The following CTNNA3 variants were observed in gnomAD, a reference collection of about 807,000 sequenced individuals.
CTNNA3 encodes the protein catenin alpha 3.
In CTNNA3, 76 loss-of-function variants were observed where a neutral mutation model predicts 95.7. The observed-to-expected ratio is 0.79, with a 90% CI of 0.66 to 0.96. The LOEUF is 0.96. Among genes scored for constraint, CTNNA3 ranks in the 40% least tolerant of loss-of-function variants. CTNNA3 has a pLI of 0.00. For synonymous variants in CTNNA3, 431 were observed against 374.4 expected, an observed-to-expected ratio of 1.15 and a Z score of -1.74; for missense variants, 1,191 against 1,089.8, an observed-to-expected ratio of 1.09 and a Z score of -1.31.
In CTNNA3 at chr10:67,135,212, T is replaced by C. The variant is rs529378631; in HGVS notation, c.1047+45105A>G. Among the ~76,000 whole-genome samples, 44 of 152,244 alleles carry C rather than the reference T, an allele frequency of 2.9e-4. 1 individual carries two copies. The highest frequency in any genetic ancestry group is 9.4e-4 in the African/African-American group (39 of 41,560). ...CTCCTGGAGCTTGTATTTTGTTAGG[T>C]TGACACAGATGGCAGGGAATAAAAG... On this transcript the variant is annotated intron_variant, in intron 7 of 17. Coordinates refer to ENST00000433211, the MANE Select transcript of CTNNA3 (RefSeq NM_013266.4).
At chr10:67,715,044 C>T (rs1379380953) in intron 1 of CTNNA3, among the ~76,000 whole-genome samples, 1 of 152,178 alleles carries the variant, frequency 6.6e-6, no homozygotes, top group Non-Finnish European at 1.5e-5. Flanking sequence ...CTAATACAGA[C>T]CTCTTCCTGA....
At chr10:66,741,339 T>C (rs1015984191) in intron 9 of CTNNA3, among the ~76,000 whole-genome samples, 2 of 151,986 alleles carry the variant, frequency 1.3e-5, no homozygotes, top group Admixed American at 6.6e-5. Flanking sequence ...GGCAGGTAAG[T>C]CAAAATACAA....
intron 11 of CTNNA3, among the ~76,000 whole-genome samples, chr10:66,480,217 T>C (rs902891779): frequency 1.3e-5 from 2 of 152,180 alleles, no homozygotes; most frequent in Non-Finnish European, 2.9e-5. Context: ...CATTTAGCTA[T>C]ATATCTCACA....
In CTNNA3 at chr10:66,813,732, G is replaced by T. The variant is rs956567622; in HGVS notation, c.1048-38208C>A. ...CATAGTCTGATGAGAGAGAGTAAAA[G>T]AATTCTAAAATAAAAATCACCTTTT... On this transcript the variant is annotated intron_variant, in intron 7 of 17. Coordinates refer to ENST00000433211, the MANE Select transcript of CTNNA3 (RefSeq NM_013266.4). Among the ~76,000 whole-genome samples the T allele has an allele frequency of 5.9e-5, 9 of 152,158 alleles. No individual in the cohort carries two copies. The East Asian group carries it at 1.4e-3, about 23-fold the overall frequency.
chr10:66,538,741 G>A (rs1841743670), intron 10 of CTNNA3, among the ~76,000 whole-genome samples: 2 of 152,112 alleles, frequency 1.3e-5, no homozygotes, highest in Non-Finnish European at 2.9e-5. Context: ...AACTGCTGTG[G>A]ATTTAAAGAA....
intron 5 of CTNNA3, among the ~76,000 whole-genome samples, chr10:67,509,556 G>C (rs755738726): frequency 1.3e-5 from 2 of 152,182 alleles, no homozygotes; most frequent in Non-Finnish European, 2.9e-5. Flanking sequence ...ATTCCATGGT[G>C]TATATATGCC....
At chr10:66,257,603 A>G (rs896941490) in intron 13 of CTNNA3, among the ~76,000 whole-genome samples, 1 of 152,232 alleles carries the variant, frequency 6.6e-6, no homozygotes, top group Non-Finnish European at 1.5e-5. Context: ...TTCCTGGTCA[A>G]TCAATATCAG....
intron 13 of CTNNA3, among the ~76,000 whole-genome samples, chr10:66,256,292 T>C (rs2090769489): frequency 6.6e-6 from 1 of 152,194 alleles, no homozygotes; most frequent in South Asian, 2.1e-4. Flanking sequence ...ATTCTGGCTG[T>C]ACACTTTCTA....
rs181406373 is a variant in CTNNA3, at chr10:66,136,243, T to C, written c.1885-32994A>G. Among the ~76,000 whole-genome samples the C allele has an allele frequency of 2.0e-3, 299 of 152,374 alleles. 1 individual carries two copies. The highest frequency in any genetic ancestry group is 3.5e-3 in the Admixed American group (54 of 15,302). On this transcript the variant is annotated intron_variant, in intron 13 of 17. Transcript: ENST00000433211. ...AAATAACATATAATACTCTTTATTG[T>C]AAACTGCATATAATAAATCAATTCT...
chr10:66,910,880 G>C (rs1362980871), intron 7 of CTNNA3, among the ~76,000 whole-genome samples: 2 of 152,216 alleles, frequency 1.3e-5, no homozygotes, highest in African/African-American at 4.8e-5. Context: ...GTCACAGTGA[G>C]CTATTCATGG....
intron 11 of CTNNA3, among the ~76,000 whole-genome samples, chr10:66,432,781 T>C (rs973021228): frequency 2.6e-5 from 4 of 152,156 alleles, no homozygotes; most frequent in Admixed American, 6.6e-5. Flanking sequence ...ATCAGGTATT[T>C]CTCCTAATGC....
At chr10:65,934,323 C>T (rs1426804677) in intron 17 of CTNNA3, among the ~76,000 whole-genome samples, 1 of 152,124 alleles carries the variant, frequency 6.6e-6, no homozygotes, top group Admixed American at 6.6e-5. Context: ...GCAGCTGTTT[C>T]TCTCCAGCAC....
At chr10:66,937,827 C>T (rs1324840045) in intron 7 of CTNNA3, among the ~76,000 whole-genome samples, 1 of 152,124 alleles carries the variant, frequency 6.6e-6, no homozygotes, top group African/African-American at 2.4e-5. Flanking sequence ...CTGAGCTTTT[C>T]CAGAATAGAT....
Position 66,004,691 on chromosome 10 carries a change from G to A in CTNNA3, c.2160-15894C>T, listed in dbSNP as rs2078843317. ...AGAGCACAGCTGTCTAAGAAACACT[G>A]CCACTCTTCTCTGCTCTTTCTTCCA... On this transcript the variant is annotated intron_variant, in intron 15 of 17. Transcript: ENST00000433211. Among the ~76,000 whole-genome samples the A allele has an allele frequency of 7.9e-5, 12 of 152,142 alleles. 1 individual carries two copies. In the South Asian group the frequency reaches 1.9e-3, roughly 24 times the overall value.
chr10:66,258,898 G>A (rs868197914), intron 13 of CTNNA3, among the ~76,000 whole-genome samples: 2 of 152,048 alleles, frequency 1.3e-5, no homozygotes, highest in African/African-American at 4.8e-5. Flanking sequence ...ACAGGAATGC[G>A]GAAAAAGAGA....
At chr10:67,221,817 G>A (rs1048822768) in intron 5 of CTNNA3, among the ~76,000 whole-genome samples, 2 of 151,802 alleles carry the variant, frequency 1.3e-5, no homozygotes, top group African/African-American at 2.4e-5. Flanking sequence ...CTTGTGATCC[G>A]CCCGCCTCGG....
At chr10:65,987,260 C>T (rs1033703319) in intron 16 of CTNNA3, among the ~76,000 whole-genome samples, 1 of 150,744 alleles carries the variant, frequency 6.6e-6, no homozygotes, top group Non-Finnish European at 1.5e-5. Flanking sequence ...ACAAGACAAC[C>T]TACAGAATGA....
intron 13 of CTNNA3, among the ~76,000 whole-genome samples, chr10:66,273,527 A>C (rs558629628): frequency 6.6e-6 from 1 of 152,356 alleles, no homozygotes; most frequent in East Asian, 1.9e-4. Context: ...AACAACAACA[A>C]AATGACATGA....
At chr10:67,736,430 T>C (rs1841302563) in intron 1 of CTNNA3, among the ~76,000 whole-genome samples, 1 of 151,822 alleles carries the variant, frequency 6.6e-6, no homozygotes, top group Non-Finnish European at 1.5e-5. Context: ...GTAAATTTTA[T>C]GTTATGCATA....
Sources: allele counts gnomAD v4.1 joint callset (sites outside exome capture counted in the v4.1 genomes callset), GRCh38; gene constraint gnomAD v4.1.1; transcripts MANE v1.5; gene names NCBI Gene and HGNC (gene_info 2026-07-23, HGNC 2026-07-21).